Variants in PHACTR1 observed in about 807,000 individuals in gnomAD.
PHACTR1 encodes RPEL repeat containing 1.
PHACTR1 carries 16 observed loss-of-function variants against 69.2 expected under a neutral mutation model. The ratio of observed to expected loss-of-function variants is 0.23; its 90% CI spans 0.16 to 0.35. The LOEUF is 0.35. Among genes scored for constraint, PHACTR1 ranks in the 10% least tolerant of loss-of-function variants. The pLI, the probability that PHACTR1 is intolerant of heterozygous loss-of-function variation, is 1.00. For synonymous variants in PHACTR1, 312 were observed against 284.5 expected (o/e 1.10, Z -0.97); for missense variants, 510 against 734.7 (o/e 0.69, Z 3.54).
intron 4 of PHACTR1, among the ~76,000 whole-genome samples, chr6:12,897,968 GGTT>G (rs1431640853): frequency 6.6e-6 from 1 of 151,996 alleles, no homozygotes; most frequent in Non-Finnish European, 1.5e-5. Flanking sequence ...TGTGGTATTT[GGTT>G]TTCTGTTCTT....
At chr6:13,260,648 ACAG>A (rs1775787883) in intron 10 of PHACTR1, among the ~76,000 whole-genome samples, 1 of 152,162 alleles carries the variant, frequency 6.6e-6, no homozygotes, top group African/African-American at 2.4e-5. Flanking sequence ...CACTTGTTAA[ACAG>A]CAGGCTGACC....
At chr6:13,081,146 G>A (rs9473437) in intron 5 of PHACTR1, among the ~76,000 whole-genome samples, 72,243 of 151,994 alleles carry the variant, frequency 0.48, 19,150 homozygotes, top group East Asian at 0.83. Flanking sequence ...AAATAAAACA[G>A]TGGGTTATAG....
chr6:12,748,340 A>AG (rs1010298959), intron 3 of PHACTR1, among the ~76,000 whole-genome samples: 4 of 152,282 alleles, frequency 2.6e-5, no homozygotes, highest in East Asian at 1.9e-4. Context: ...TGAAGTGGAG[A>AG]GGGGGGGCTT....
chr6:13,038,411 A>G (rs1288364781), intron 4 of PHACTR1, among the ~76,000 whole-genome samples: 1 of 151,994 alleles, frequency 6.6e-6, no homozygotes, highest in Non-Finnish European at 1.5e-5. Context: ...TGAGAGGTAC[A>G]AAAGTACTCT....
At chr6:13,175,550 G>A (rs1271420583) in intron 6 of PHACTR1, among the ~76,000 whole-genome samples, 2 of 152,102 alleles carry the variant, frequency 1.3e-5, no homozygotes, top group African/African-American at 2.4e-5. Flanking sequence ...AATTAGAGGC[G>A]CTCACCAGCA....
intron 3 of PHACTR1, among the ~76,000 whole-genome samples, chr6:12,724,014 G>C (rs564287321): frequency 6.6e-6 from 1 of 152,268 alleles, no homozygotes; most frequent in Non-Finnish European, 1.5e-5. Flanking sequence ...GAACCATGGG[G>C]AAGATGCAAA....
intron 4 of PHACTR1, among the ~76,000 whole-genome samples, chr6:12,910,102 G>C (rs965259314): frequency 7.9e-6 from 1 of 126,370 alleles, no homozygotes; most frequent in Non-Finnish European, 1.8e-5. Context: ...GTGTAGATCA[G>C]AGCCAAGTCC....
At chr6:13,119,361 C>G (rs1165888669) in intron 5 of PHACTR1, among the ~76,000 whole-genome samples, 1 of 152,216 alleles carries the variant, frequency 6.6e-6, no homozygotes, top group Non-Finnish European at 1.5e-5. Flanking sequence ...TTACCAATTT[C>G]ATGATAATTT....
chr6:12,875,521 T>C (rs1782444877), intron 4 of PHACTR1, among the ~76,000 whole-genome samples: 1 of 152,218 alleles, frequency 6.6e-6, no homozygotes, highest in East Asian at 1.9e-4. Flanking sequence ...TTTTGCAATT[T>C]TTTGAGCTGC....
In PHACTR1 at chr6:13,133,635, C is replaced by T. The variant is rs571411573; in HGVS notation, c.416-26569C>T. ...AGGCTGGAGTGCAGTGGCGTGATCT[C>T]GGCTCGCTACAACTTCCACCTCCCA... On this transcript the variant is annotated intron_variant, in intron 5 of 14. Coordinates refer to ENST00000332995, the MANE Select transcript of PHACTR1 (RefSeq NM_030948.6). 5.2e-4 allele frequency among the ~76,000 whole-genome samples: 79 copies of T among 152,208 alleles called. No homozygotes were observed. In the Middle Eastern group the frequency reaches 0.014, roughly 26 times the overall value.
chr6:12,830,043 A>C (rs1008314918), intron 4 of PHACTR1, among the ~76,000 whole-genome samples: 2 of 146,848 alleles, frequency 1.4e-5, no homozygotes, highest in Non-Finnish European at 3.0e-5. Context: ...AGGAAAGAAA[A>C]GAAAGAAGGA....
intron 5 of PHACTR1, among the ~76,000 whole-genome samples, chr6:13,064,532 G>C (rs1808198218): frequency 8.6e-6 from 1 of 116,340 alleles, no homozygotes; most frequent in Non-Finnish European, 1.7e-5. Flanking sequence ...GCAACGGGAA[G>C]GGGAGAAGGG....
intron 4 of PHACTR1, among the ~76,000 whole-genome samples, chr6:12,996,666 A>T (rs1417643693): frequency 6.6e-6 from 1 of 152,208 alleles, no homozygotes; most frequent in Non-Finnish European, 1.5e-5. Context: ...ATTTTATATA[A>T]ACTTTTCAAG....
chr6:13,266,707 C>A (rs1295831956), intron 10 of PHACTR1: 1 of 152,316 alleles, frequency 6.6e-6, no homozygotes, highest in African/African-American at 2.4e-5. Flanking sequence ...GGGAAGGGTG[C>A]TACACACTTT....
At chr6:13,003,950 C>CATAT (rs1562119669) in intron 4 of PHACTR1, among the ~76,000 whole-genome samples, 12 of 81,358 alleles carry the variant, frequency 1.5e-4, no homozygotes, top group African/African-American at 6.3e-4. Context: ...CAGTAGTATT[C>CATAT]CTATATATAT....
intron 4 of PHACTR1, among the ~76,000 whole-genome samples, chr6:12,908,070 G>T (rs1785944303): frequency 6.6e-6 from 1 of 152,282 alleles, no homozygotes; most frequent in East Asian, 1.9e-4. Context: ...TCAAGAGACA[G>T]CTTATTCTTT....
At chr6:13,164,501 T>C (rs762629488) in intron 6 of PHACTR1, among the ~76,000 whole-genome samples, 5 of 152,196 alleles carry the variant, frequency 3.3e-5, no homozygotes, top group Non-Finnish European at 7.3e-5. Flanking sequence ...GTAATGACTG[T>C]GTCAGCCTGT....
intron 4 of PHACTR1, among the ~76,000 whole-genome samples, chr6:13,007,532 A>ATGT (rs972493785): frequency 3.3e-5 from 5 of 152,138 alleles, no homozygotes; most frequent in African/African-American, 1.2e-4. Flanking sequence ...GATATTAGCG[A>ATGT]TACAGGCTTT....
intron 5 of PHACTR1, among the ~76,000 whole-genome samples, chr6:13,134,677 A>G (rs1009864558): frequency 6.6e-6 from 1 of 152,094 alleles, no homozygotes; most frequent in Non-Finnish European, 1.5e-5. Context: ...GGTCCTCTGC[A>G]TAGGAAAACC....
Sources: allele counts gnomAD v4.1 joint callset (sites outside exome capture counted in the v4.1 genomes callset), GRCh38; gene constraint gnomAD v4.1.1; transcripts MANE v1.5; gene names NCBI Gene and HGNC (gene_info 2026-07-23, HGNC 2026-07-21).